Variants in DGKD observed in about 807,000 individuals in gnomAD.
DGKD encodes the protein DAG kinase delta.
A neutral mutation model predicts 154.4 loss-of-function variants in DGKD; 68 were observed. That is an observed-to-expected ratio of 0.44 (90% CI 0.36 to 0.54). DGKD has a LOEUF of 0.54. Among genes scored for constraint, DGKD ranks in the 20% least tolerant of loss-of-function variants. DGKD has a pLI of 0.00. For synonymous variants in DGKD, 693 were observed against 638.0 expected, an observed-to-expected ratio of 1.09 and a Z score of -1.30; for missense variants, 1,343 against 1,593.6, an observed-to-expected ratio of 0.84 and a Z score of 2.68.
chr2:233,380,697 ACATACCGCAG>A (rs1038684142), intron 1 of DGKD, among the ~76,000 whole-genome samples: 3 of 152,136 alleles, frequency 2.0e-5, no homozygotes, highest in African/African-American at 7.2e-5. Flanking sequence ...TGTTAACACC[ACATACCGCAG>A]CATACCGCAG....
intron 10 of DGKD, among the ~76,000 whole-genome samples, chr2:233,444,189 C>T (rs1297337738): frequency 6.6e-6 from 1 of 152,142 alleles, no homozygotes; most frequent in Non-Finnish European, 1.5e-5. Flanking sequence ...CGTTCCTTTC[C>T]TTCGAGTCTG....
Position 233,445,735 on chromosome 2 carries a change from A to G in DGKD, c.1307A>G (p.Glu436Gly). Residue 436 changes from glutamate to glycine, a missense_variant, in exon 11 of 30, where the codon GAG (glutamate) becomes GGG (glycine). Coordinates refer to ENST00000264057, the MANE Select transcript of DGKD (RefSeq NM_152879.3). This position sits in a 1 kb window ranked among gnomAD's most constrained non-coding sequence, Gnocchi z 5.5. ...TQLPQILEKL[E>G]RASTKMLDRW... ...CTCCCCCAGATCTTGGAGAAGTTGG[A>G]GAGAGCCAGCACCAAGATGCTGGAC... The G allele has an allele frequency of 6.2e-7, 1 of 1,613,164 alleles. No individual in the cohort carries two copies. Among genetic ancestry groups the G allele is most frequent in the Non-Finnish European group, 8.5e-7 (1 of 1,179,542 alleles).
intron 3 of DGKD, among the ~76,000 whole-genome samples, chr2:233,396,889 G>T (rs1704080162): frequency 1.3e-5 from 2 of 151,812 alleles, no homozygotes; most frequent in South Asian, 4.2e-4. Flanking sequence ...GGCTGATGGA[G>T]GCCAGAGCAA....
chr2:233,364,745 A>T (rs1250952418), intron 1 of DGKD, among the ~76,000 whole-genome samples: 1 of 152,212 alleles, frequency 6.6e-6, no homozygotes, highest in Non-Finnish European at 1.5e-5. Flanking sequence ...GCAAACAGTA[A>T]GTTAGTAGAC....
intron 1 of DGKD, chr2:233,386,259 A>AC: frequency 3.2e-6 from 1 of 307,842 alleles, no homozygotes; most frequent in East Asian, 8.5e-5. Flanking sequence ...CTTCACAGTG[A>AC]GGCCTTTGAG....
intron 3 of DGKD, among the ~76,000 whole-genome samples, chr2:233,408,715 A>G (rs2061747767): frequency 6.6e-6 from 1 of 152,240 alleles, no homozygotes; most frequent in Non-Finnish European, 1.5e-5. Flanking sequence ...CGGGCAGAGT[A>G]GGTGCTCAGT....
intron 3 of DGKD, among the ~76,000 whole-genome samples, chr2:233,405,797 G>A (rs2061672660): frequency 6.6e-6 from 1 of 152,216 alleles, no homozygotes; most frequent in African/African-American, 2.4e-5. Context: ...AACAGACTAA[G>A]ACACATGTCT....
chr2:233,434,371 T>C lies in DGKD; in HGVS notation c.349-9T>C, dbSNP rs2062622263. 6.2e-7 allele frequency: 1 copy of C among 1,611,806 alleles called. No individual in the cohort carries two copies. The highest frequency in any genetic ancestry group is 8.5e-7 in the Non-Finnish European group (1 of 1,178,380). On this transcript the variant is annotated splice_polypyrimidine_tract_variant and intron_variant, in intron 3 of 29. Coordinates refer to ENST00000264057, the MANE Select transcript of DGKD (RefSeq NM_152879.3). Reference sequence around the variant, plus strand: ...TTCATGGATCTGTTGAACCTGTTTCTTTCTCTAGGTCATAACTCCATGCAG... The same window carrying C: ...TTCATGGATCTGTTGAACCTGTTTCCTTCTCTAGGTCATAACTCCATGCAG...
intron 1 of DGKD, among the ~76,000 whole-genome samples, chr2:233,365,834 G>A (rs186693727): frequency 5.1e-4 from 77 of 152,260 alleles, no homozygotes; most frequent in South Asian, 8.3e-4. Flanking sequence ...TTGAACAATA[G>A]CAAATATGTA....
At chr2:233,464,462 A>G (rs1158267739) in intron 27 of DGKD, among the ~76,000 whole-genome samples, 179 bp downstream of exon 27, 1 of 152,228 alleles carries the variant, frequency 6.6e-6, no homozygotes, top group Non-Finnish European at 1.5e-5. Flanking sequence ...GAGGGACAGC[A>G]GGTAGGAAGG....
intron 3 of DGKD, among the ~76,000 whole-genome samples, chr2:233,407,698 T>C (rs1454851666): frequency 1.3e-5 from 2 of 152,142 alleles, no homozygotes; most frequent in Non-Finnish European, 2.9e-5. Flanking sequence ...GCCCAGGAGT[T>C]CTAGGTTGCA....
rs1378233788 is a variant in DGKD at position 233,441,786 on chromosome 2, G to A, written c.1086-101G>A. ...CGTGCTCTGCCTCTGGTGCAGGTCA[G>A]CCATGAGGAGCACAGGTGGCCCCTC... On this transcript the variant is annotated intron_variant, in intron 9 of 29. Coordinates refer to ENST00000264057, the MANE Select transcript of DGKD (RefSeq NM_152879.3). This position sits in a 1 kb window ranked among gnomAD's most constrained non-coding sequence, Gnocchi z 5.6. 9.2e-7 allele frequency: 1 copy of A among 1,088,676 alleles called. No homozygotes were observed. The highest frequency in any genetic ancestry group is 1.6e-5 in the African/African-American group (1 of 64,418). 67.4% of individuals were successfully genotyped at this position (1,088,676 alleles called of 1,614,324 possible).
intron 19 of DGKD, 25 bp downstream of exon 19, chr2:233,454,898 T>C (rs1255600023): frequency 6.8e-7 from 1 of 1,471,290 alleles, no homozygotes; most frequent in Admixed American, 1.7e-5. Flanking sequence ...CAGGAGCACG[T>C]CTGTCTTTTG....
intron 9 of DGKD, among the ~76,000 whole-genome samples, chr2:233,439,640 C>A (rs1410024102): frequency 6.6e-6 from 1 of 152,232 alleles, no homozygotes; most frequent in East Asian, 1.9e-4. Context: ...TGGCTCACAG[C>A]AGCCTCAACC....
At chr2:233,466,523 C>T (rs963189516) in intron 27 of DGKD, among the ~76,000 whole-genome samples, 4 of 152,182 alleles carry the variant, frequency 2.6e-5, no homozygotes, top group African/African-American at 7.2e-5. Context: ...GGCAGTGTTA[C>T]CTCCGTGCAT....
In DGKD at chr2:233,445,745, C is replaced by A. The variant is rs1234863061; in HGVS notation, c.1317C>A (p.Ser439Arg). 2 of 1,612,826 alleles carry A rather than the reference C, an allele frequency of 1.2e-6. No homozygotes were observed. The highest frequency in any genetic ancestry group is 2.2e-5 in the South Asian group (2 of 90,848). Residue 439 changes from serine (S) to arginine (R), a missense_variant, in exon 11 of 30, where the codon AGC becomes AGA. Physicochemically the swap from Ser to Arg is moderately radical, Grantham distance 110 (BLOSUM62 -1). Around this residue, in one of 6 missense-constraint regions of DGKD, gnomAD observed 409 missense variants for 446.0 expected, o/e 0.92. Coordinates refer to ENST00000264057, the MANE Select transcript of DGKD (RefSeq NM_152879.3). This position sits in a 1 kb window ranked among gnomAD's most constrained non-coding sequence, Gnocchi z 5.5. Reference protein sequence around the residue: ...PQILEKLERASTKMLDRWSVM... With the variant: ...PQILEKLERARTKMLDRWSVM... ...TCTTGGAGAAGTTGGAGAGAGCCAGCACCAAGATGCTGGACAGGTGAGTGG... is the reference window on the plus strand; with the variant it reads ...TCTTGGAGAAGTTGGAGAGAGCCAGAACCAAGATGCTGGACAGGTGAGTGG...
At chr2:233,417,972 T>G (rs893403235) in intron 3 of DGKD, among the ~76,000 whole-genome samples, 3 of 152,190 alleles carry the variant, frequency 2.0e-5, no homozygotes, top group African/African-American at 7.2e-5. Flanking sequence ...ATGTCAATAG[T>G]GCTGAGGTTG....
intron 3 of DGKD, among the ~76,000 whole-genome samples, chr2:233,410,281 C>G (rs1431599277): frequency 1.3e-5 from 2 of 152,176 alleles, no homozygotes; most frequent in Admixed American, 6.5e-5. Flanking sequence ...TCAAGGGACA[C>G]TGACCTTGGA....
intron 3 of DGKD, among the ~76,000 whole-genome samples, chr2:233,394,777 A>T (rs1703899893): frequency 8.3e-6 from 1 of 120,686 alleles, no homozygotes; most frequent in Non-Finnish European, 1.6e-5. Flanking sequence ...GTACAGTGTT[A>T]GCTCACTGCA....
Sources: allele counts gnomAD v4.1 joint callset (sites outside exome capture counted in the v4.1 genomes callset), GRCh38; gene constraint gnomAD v4.1.1; regional missense constraint gnomAD v4.1.1; non-coding constraint Gnocchi (gnomAD v3.1); transcripts MANE v1.5; gene names NCBI Gene and HGNC (gene_info 2026-07-23, HGNC 2026-07-21).